Variants in CTNND2 observed in about 807,000 individuals in gnomAD.
CTNND2 encodes catenin delta 2, also known as catenin delta-2.
A neutral mutation model predicts 144.4 loss-of-function variants in CTNND2; 22 were observed. The ratio of observed to expected loss-of-function variants is 0.15; its 90% CI spans 0.11 to 0.22. The LOEUF is 0.22. Ranked by LOEUF, CTNND2 falls within the 10% of genes least tolerant of loss-of-function variation. CTNND2 has a pLI of 1.00. For missense variants in CTNND2, 1,353 were observed against 1,618.8 expected, an observed-to-expected ratio of 0.84 and a Z score of 2.82; for synonymous variants, 751 against 695.6, an observed-to-expected ratio of 1.08 and a Z score of -1.25.
chr5:11,153,556 T>C (rs1211139144), intron 12 of CTNND2, among the ~76,000 whole-genome samples: 1 of 152,170 alleles, frequency 6.6e-6, no homozygotes, highest in East Asian at 1.9e-4. Flanking sequence ...AAGGGGCGTT[T>C]CTCAAGGTCA....
intron 18 of CTNND2, among the ~76,000 whole-genome samples, chr5:11,010,265 G>T (rs1465719770): frequency 6.6e-6 from 1 of 152,096 alleles, no homozygotes; most frequent in South Asian, 2.1e-4. Context: ...TTCTATAGAG[G>T]ATTTACTGCT....
Position 11,903,151 on chromosome 5 carries a change from C to G in CTNND2, c.37+666G>C. ...AATTTTGCATCGCTCATCTCCCATA[C>G]ACACGCACAGCCTTCCAAACCTGGC... is the stretch of plus-strand genomic sequence containing the variant. On this transcript the variant is annotated intron_variant, in intron 1 of 21. Transcript: ENST00000304623. The surrounding 1 kb of genome is among the most constrained non-coding windows in gnomAD (Gnocchi z 5.4). 1 of 981,574 alleles carries G rather than the reference C, an allele frequency of 1.0e-6. No individual in the cohort carries two copies. Among genetic ancestry groups the G allele is most frequent in the Non-Finnish European group, 1.2e-6 (1 of 826,390 alleles). The allele number at this position is 981,574 out of a possible 1,614,324, so 60.8% of individuals were successfully genotyped here.
At chr5:11,623,268 G>A (rs1454076842) in intron 2 of CTNND2, among the ~76,000 whole-genome samples, 1 of 152,054 alleles carries the variant, frequency 6.6e-6, no homozygotes, top group African/African-American at 2.4e-5. Context: ...ATCTTGAATT[G>A]TAGCTCCCAT....
intron 12 of CTNND2, among the ~76,000 whole-genome samples, chr5:11,154,730 G>A (rs961999682): frequency 5.9e-5 from 9 of 152,118 alleles, no homozygotes; most frequent in African/African-American, 1.7e-4. Context: ...CGTTCTGGAC[G>A]CCAGAAATCT....
chr5:11,513,384 T>C (rs1408852266), intron 3 of CTNND2, among the ~76,000 whole-genome samples: 1 of 152,196 alleles, frequency 6.6e-6, no homozygotes, highest in African/African-American at 2.4e-5. Context: ...TACTGCTGTT[T>C]CCAAATACCC....
chr5:11,213,934 C>T (rs983016405), intron 10 of CTNND2, among the ~76,000 whole-genome samples: 1 of 152,074 alleles, frequency 6.6e-6, no homozygotes, highest in Non-Finnish European at 1.5e-5. Flanking sequence ...CTCCTCCTTC[C>T]CTCACCAAAA....
intron 1 of CTNND2, among the ~76,000 whole-genome samples, chr5:11,801,102 T>C (rs1791656932): frequency 6.6e-6 from 1 of 152,230 alleles, no homozygotes; most frequent in African/African-American, 2.4e-5. Flanking sequence ...TAATTATCTT[T>C]TACAATTTTA....
At position 11,743,391 on chromosome 5, in the gene CTNND2, G is replaced by A. The variant is rs544470143; in HGVS notation, c.38-11119C>T. Among the ~76,000 whole-genome samples the A allele has an allele frequency of 9.8e-5, 15 of 152,302 alleles. No individual in the cohort carries two copies. The South Asian group carries it at 3.1e-3, about 32-fold the overall frequency. The stretch of plus-strand genomic sequence containing the variant: ...AATAGGATTCAGAATCCTAGGACTA[G>A]TTTAAGACTTTCGCTTCCGTCAACT... On this transcript the variant is annotated intron_variant, in intron 1 of 21. Transcript: ENST00000304623.
At chr5:11,896,787 C>G (rs186429067) in intron 1 of CTNND2, among the ~76,000 whole-genome samples, 2 of 152,186 alleles carry the variant, frequency 1.3e-5, no homozygotes, top group Admixed American at 1.3e-4. Context: ...AGTTATTTGC[C>G]TTGATTATCT....
At chr5:11,827,935 A>G (rs1216496670) in intron 1 of CTNND2, among the ~76,000 whole-genome samples, 1 of 152,230 alleles carries the variant, frequency 6.6e-6, no homozygotes, top group Non-Finnish European at 1.5e-5. Flanking sequence ...CTCTTTACTC[A>G]TACCAAAATC....
At chr5:11,424,345 C>G (rs972578982) in intron 3 of CTNND2, among the ~76,000 whole-genome samples, 6 of 152,040 alleles carry the variant, frequency 3.9e-5, no homozygotes, top group Admixed American at 3.9e-4. Flanking sequence ...AGGTGTGTGG[C>G]TAAAAAGGGG....
chr5:11,544,045 AG>A (rs1422338720), intron 3 of CTNND2, among the ~76,000 whole-genome samples: 1 of 152,230 alleles, frequency 6.6e-6, no homozygotes, highest in Non-Finnish European at 1.5e-5. Context: ...ATCAAAGTGA[AG>A]GACACTGAAG....
intron 9 of CTNND2, among the ~76,000 whole-genome samples, chr5:11,241,323 T>C (rs1742423596): frequency 6.6e-6 from 1 of 152,114 alleles, no homozygotes. Context: ...AGGTGCAACA[T>C]TTATGGGGAG....
chr5:11,015,094 T>C (rs1741471765), intron 18 of CTNND2, among the ~76,000 whole-genome samples: 1 of 152,228 alleles, frequency 6.6e-6, no homozygotes, highest in South Asian at 2.1e-4. Context: ...AAGCCTAGAA[T>C]AGATGTTTAA....
At chr5:11,223,207 C>A (rs891111975) in intron 10 of CTNND2, among the ~76,000 whole-genome samples, 1 of 152,184 alleles carries the variant, frequency 6.6e-6, no homozygotes, top group Non-Finnish European at 1.5e-5. Flanking sequence ...ACGTCTAAAT[C>A]CCTCCATCAC....
At chr5:11,265,044 C>CA (rs1291041234) in intron 9 of CTNND2, among the ~76,000 whole-genome samples, 11 of 151,722 alleles carry the variant, frequency 7.3e-5, no homozygotes, top group Non-Finnish European at 1.6e-4. Context: ...TTTATTAAAT[C>CA]AAAAAAACTG....
chr5:11,819,822 G>A (rs1259262163), intron 1 of CTNND2, among the ~76,000 whole-genome samples: 1 of 152,174 alleles, frequency 6.6e-6, no homozygotes, highest in African/African-American at 2.4e-5. Context: ...AGTCCTCAGG[G>A]TGGCAGAGGA....
intron 3 of CTNND2, among the ~76,000 whole-genome samples, chr5:11,440,059 C>G (rs1043182277): frequency 7.6e-4 from 115 of 152,190 alleles, no homozygotes; most frequent in African/African-American, 2.6e-3. Context: ...GAAGCCAGGA[C>G]AGTTCTGAGA....
chr5:10,986,219 A>T (rs1444870015), intron 20 of CTNND2, among the ~76,000 whole-genome samples: 1 of 152,248 alleles, frequency 6.6e-6, no homozygotes, highest in African/African-American at 2.4e-5. Context: ...TATCAGAAAC[A>T]TAGTAAATTT....
Sources: gnomAD v4.1 joint callset for allele counts (sites outside exome capture counted in the v4.1 genomes callset) on GRCh38, gnomAD v4.1.1 for gene constraint, Gnocchi (gnomAD v3.1) non-coding constraint, MANE v1.5 for transcripts, NCBI Gene and HGNC (gene_info 2026-07-23, HGNC 2026-07-21) for gene names.